Variants in CDH7 observed in about 807,000 individuals in gnomAD.
CDH7 encodes cadherin 7, also known as cadherin-7.
Under a neutral mutation model 71.8 loss-of-function variants are expected in CDH7, and 25 were observed. The ratio of observed to expected loss-of-function variants is 0.35; its 90% CI spans 0.25 to 0.49. The LOEUF is 0.49. CDH7 is among the 20% of genes least tolerant of loss of function. The pLI is 0.99. For missense variants in CDH7, 862 were observed against 974.6 expected, an observed-to-expected ratio of 0.88 and a Z score of 1.54; for synonymous variants, 381 against 363.8, an observed-to-expected ratio of 1.05 and a Z score of -0.54.
At chr18:65,807,447 C>T (rs1417082501) in intron 2 of CDH7, among the ~76,000 whole-genome samples, 1 of 152,096 alleles carries the variant, frequency 6.6e-6, no homozygotes, top group Non-Finnish European at 1.5e-5. Context: ...AAATGAAAGT[C>T]GTTAATGTGA....
chr18:65,806,207 A>G (rs1009528389), intron 2 of CDH7, among the ~76,000 whole-genome samples: 15 of 151,566 alleles, frequency 9.9e-5, no homozygotes, highest in Admixed American at 9.9e-4. Flanking sequence ...ACATAATTGC[A>G]CCTCCTCCTC....
At chr18:65,872,347 T>A (rs185640920) in intron 11 of CDH7, among the ~76,000 whole-genome samples, 1 of 152,246 alleles carries the variant, frequency 6.6e-6, no homozygotes, top group Admixed American at 6.5e-5. Context: ...AGTGGAAATG[T>A]GGAGTAGGCT....
chr18:65,870,546 G>A (rs753270839), intron 11 of CDH7, among the ~76,000 whole-genome samples: 2 of 151,984 alleles, frequency 1.3e-5, no homozygotes, highest in Admixed American at 1.3e-4. Flanking sequence ...GGCATGTTTG[G>A]CCACCTGCTT....
In CDH7 at chr18:65,843,856, A is replaced by T. The variant is rs778103076; in HGVS notation, c.1026A>T (p.Glu342Asp). The T allele has an allele frequency of 8.8e-6, 14 of 1,584,544 alleles. No homozygotes were observed. The highest frequency in any genetic ancestry group is 1.4e-5 in the African/African-American group (1 of 73,614). The change falls in exon 7 of 12, where the codon GAA becomes GAT. Residue 342 changes from glutamate (E) to aspartate (D), a missense_variant. Physicochemically the swap from Glu to Asp is conservative, Grantham distance 45. Coordinates refer to ENST00000397968, the MANE Select transcript of CDH7 (RefSeq NM_004361.5). The part of the protein sequence containing the change: ...EAKTSYTLRI[E>D]AANKDADPRF... ...AAACAAGTTACACGCTACGGATAGA[A>T]GCTGCAAATAAAGATGCCGACCCTC...
intron 2 of CDH7, among the ~76,000 whole-genome samples, chr18:65,807,241 C>T (rs780315775): frequency 4.6e-5 from 7 of 151,934 alleles, no homozygotes; most frequent in Non-Finnish European, 1.0e-4. Flanking sequence ...CTGACAACCC[C>T]GTAATGTTTA....
intron 2 of CDH7, among the ~76,000 whole-genome samples, chr18:65,788,516 T>G (rs1458419803): frequency 3.3e-5 from 5 of 152,194 alleles, no homozygotes; most frequent in Admixed American, 6.5e-5. Context: ...AGTCATGCTG[T>G]GTAGCGCGAG....
intron 6 of CDH7, among the ~76,000 whole-genome samples, chr18:65,840,942 G>T (rs1912710560): frequency 1.3e-5 from 2 of 151,550 alleles, no homozygotes; most frequent in African/African-American, 2.4e-5. Context: ...AATAGTTATG[G>T]ACTATATTAC....
chr18:65,842,673 G>C lies in CDH7; in HGVS notation c.982-1139G>C, dbSNP rs527565444. Among the ~76,000 whole-genome samples, 15 of 151,890 alleles carry C rather than the reference G, an allele frequency of 9.9e-5. No individual in the cohort carries two copies. In the East Asian group the frequency reaches 2.3e-3, roughly 24 times the overall value. ...ATTTTGGTTATTACCTCCTTTGTGG[G>C]ATAAGTCGGAATAAATGCGTGCCTG... On this transcript the variant is annotated intron_variant, in intron 6 of 11. Coordinates refer to ENST00000397968, the MANE Select transcript of CDH7 (RefSeq NM_004361.5).
chr18:65,762,583 A>G (rs542211860), intron 1 of CDH7, 64 bp from the exon 2 acceptor site: 3 of 275,554 alleles, frequency 1.1e-5, no homozygotes, highest in Admixed American at 5.0e-5. Context: ...AGATTAGTCA[A>G]TGAATGCTAA....
At chr18:65,761,984 G>A (rs1002713999) in intron 1 of CDH7, among the ~76,000 whole-genome samples, 2 of 152,072 alleles carry the variant, frequency 1.3e-5, no homozygotes, top group Admixed American at 6.6e-5. Flanking sequence ...GCAAATAACC[G>A]CAATGCAATA....
rs12956799 is a variant in CDH7, at chr18:65,814,466, T to C, written c.506-19T>C. 2.5e-6 allele frequency: 4 copies of C among 1,613,378 alleles called. No homozygotes were observed. Among genetic ancestry groups the C allele is most frequent in the Non-Finnish European group, 3.4e-6 (4 of 1,179,558 alleles). ...TATTTGGAAGTTTTTAATTCAGTGG[T>C]TTTGGGATTGGCATCTAGGGACCTC... On this transcript the variant is annotated intron_variant, in intron 3 of 11. Transcript: ENST00000397968.
chr18:65,802,633 G>A (rs750011691), intron 2 of CDH7, among the ~76,000 whole-genome samples: 4 of 152,094 alleles, frequency 2.6e-5, no homozygotes, highest in Admixed American at 6.5e-5. Flanking sequence ...TCTCCTATCC[G>A]GCGAGCCCTC....
chr18:65,756,432 A>G (rs1916030919), intron 1 of CDH7, among the ~76,000 whole-genome samples: 1 of 152,218 alleles, frequency 6.6e-6, no homozygotes, highest in Admixed American at 6.5e-5. Context: ...CAAATAATTG[A>G]ATTTAGTCTT....
Position 65,857,876 on chromosome 18 carries a change from G to C in CDH7, c.1296G>C (p.Gly432=). 12 of 1,612,666 alleles carry C rather than the reference G, an allele frequency of 7.4e-6. No homozygotes were observed. The highest frequency in any genetic ancestry group is 1.0e-5 in the Non-Finnish European group (12 of 1,178,786). The change falls in exon 8 of 12, where the codon GGG becomes GGC. Residue 432 remains glycine, a synonymous_variant. Transcript: ENST00000397968. ...ACTTCAATATTGATGCCAACAGTGG[G>C]GTCATCACAACTGCCAAGTCTTTGG... is the stretch of plus-strand genomic sequence containing the variant. ...ERYFNIDANS[G]VITTAKSLDR...
At chr18:65,816,285 T>G (rs1278091532) in intron 4 of CDH7, among the ~76,000 whole-genome samples, 1 of 152,128 alleles carries the variant, frequency 6.6e-6, no homozygotes, top group African/African-American at 2.4e-5. Context: ...TTGTCCTCTC[T>G]GCTAATTTAT....
At position 65,884,036 on chromosome 18, in the gene CDH7, A is replaced by G. The variant is rs1359162985; in HGVS notation, c.*3142A>G. 1 of 152,158 alleles carries G rather than the reference A, an allele frequency of 6.6e-6. No homozygotes were observed. The highest frequency in any genetic ancestry group is 1.5e-5 in the Non-Finnish European group (1 of 68,000). The allele number at this position is 152,158 out of a possible 1,614,324, so 9.4% of individuals were successfully genotyped here. A position where few individuals can be genotyped will look rare whatever the true frequency, so the allele number is the denominator to read the frequency against. ...ATAGAAACTCAGGGTTTGCCAAATT[A>G]TGCCCATTTTGAACAGTTTAATTTA... On this transcript the variant is annotated 3_prime_UTR_variant, in exon 12 of 12. Coordinates refer to ENST00000397968, the MANE Select transcript of CDH7 (RefSeq NM_004361.5).
intron 7 of CDH7, among the ~76,000 whole-genome samples, chr18:65,852,131 G>A (rs1417021665): frequency 6.6e-6 from 1 of 151,358 alleles, no homozygotes; most frequent in Non-Finnish European, 1.5e-5. Context: ...GACTGGTTAT[G>A]AGTTTAGATA....
chr18:65,868,722 A>C (rs562223060), intron 11 of CDH7, among the ~76,000 whole-genome samples: 64 of 152,346 alleles, frequency 4.2e-4, no homozygotes, highest in African/African-American at 1.4e-3. Context: ...AGTACAACCA[A>C]AATCTAATAC....
At chr18:65,764,838 T>C (rs1371681916) in intron 2 of CDH7, among the ~76,000 whole-genome samples, 1 of 152,088 alleles carries the variant, frequency 6.6e-6, no homozygotes, top group East Asian at 1.9e-4. Context: ...ATGGCCTTCT[T>C]TTGAATTTCA....
Sources: allele counts gnomAD v4.1 joint callset (sites outside exome capture counted in the v4.1 genomes callset), GRCh38; gene constraint gnomAD v4.1.1; transcripts MANE v1.5; gene names NCBI Gene and HGNC (gene_info 2026-07-23, HGNC 2026-07-21).